The following ATP12A variants were observed in gnomAD, a reference collection of about 807,000 sequenced individuals.
The protein encoded by ATP12A is ATPase H+/K+ transporting non-gastric alpha2 subunit, also known as potassium-transporting ATPase alpha chain 2.
Under a neutral mutation model 111.2 loss-of-function variants are expected in ATP12A, and 81 were observed. The observed-to-expected ratio is 0.73, with a 90% CI of 0.61 to 0.88. ATP12A has a LOEUF of 0.88. ATP12A is among the 40% of genes least tolerant of loss of function. The pLI, the probability that ATP12A is intolerant of heterozygous loss-of-function variation, is 0.00. For missense variants in ATP12A, 1,196 were observed against 1,313.1 expected (o/e 0.91, Z 1.38); for synonymous variants, 498 against 499.8 (o/e 1.00, Z 0.05).
At chr13:24,709,254 A>AT in intron 17 of ATP12A, 110 bp from the exon 18 acceptor site, 1 of 1,078,100 alleles carries the variant, frequency 9.3e-7, no homozygotes, top group Non-Finnish European at 1.3e-6. Flanking sequence ...GGCCAGCTCC[A>AT]TGCCCCCCAC....
rs190842807 is a variant in ATP12A at position 24,690,615 on chromosome 13, A to G, written c.693A>G (p.Ser231=). 33 of 1,611,892 alleles carry G rather than the reference A, an allele frequency of 2.0e-5. No homozygotes were observed. In the African/African-American group the frequency reaches 3.7e-4, roughly 18 times the overall value. Residue 231 remains serine (S), a synonymous_variant, in exon 7 of 23, where the codon TCA becomes TCG. Transcript: ENST00000381946. ...LSSQGCRVDN[S]SLTGESEPQP... The stretch of plus-strand genomic sequence containing the variant: ...AACATTTCTTCTAGGTGGATAACTC[A>G]TCTCTCACGGGGGAGTCTGAGCCCC...
chr13:24,689,939 C>T (rs1938530233), intron 5 of ATP12A, among the ~76,000 whole-genome samples: 1 of 152,134 alleles, frequency 6.6e-6, no homozygotes, highest in African/African-American at 2.4e-5. Context: ...TCCCCAGCCC[C>T]ACCTTCAGTG....
intron 11 of ATP12A, among the ~76,000 whole-genome samples, chr13:24,697,986 T>C (rs958472287): frequency 6.6e-6 from 1 of 152,206 alleles, no homozygotes; most frequent in African/African-American, 2.4e-5. Context: ...GAAGAGTACC[T>C]GGCTTATCAG....
chr13:24,689,136 C>T (rs1874775057), intron 4 of ATP12A, 126 bp from the exon 5 acceptor site: 2 of 752,534 alleles, frequency 2.7e-6, no homozygotes, highest in Admixed American at 4.8e-5. Flanking sequence ...GGGCGAATTC[C>T]ATGGCCTGTA....
chr13:24,681,915 T>G (rs1874453318), intron 2 of ATP12A, among the ~76,000 whole-genome samples, 195 bp downstream of exon 2: 1 of 142,646 alleles, frequency 7.0e-6, no homozygotes. Flanking sequence ...TGTGTGTGTA[T>G]GTGTGGTGTG....
chr13:24,691,276 G>A (rs1429006015), intron 8 of ATP12A, 26 bp downstream of exon 8: 2 of 1,591,432 alleles, frequency 1.3e-6, no homozygotes, highest in Non-Finnish European at 1.7e-6. Flanking sequence ...TAGACAGCCT[G>A]CACCTGGCCC....
At chr13:24,681,470 A>G in intron 1 of ATP12A, 92 bp from the exon 2 acceptor site, 2 of 1,433,676 alleles carry the variant, frequency 1.4e-6, no homozygotes, top group South Asian at 2.7e-5. Context: ...GGGGCTCCTG[A>G]CTCCTGCAGG....
intron 4 of ATP12A, 121 bp from the exon 5 acceptor site, chr13:24,689,140 GC>G: frequency 1.3e-6 from 1 of 761,090 alleles, no homozygotes; most frequent in Non-Finnish European, 2.2e-6. Context: ...GAATTCCATG[GC>G]CTGTAAATTA....
At chr13:24,708,838 A>AAGAGAGAAAGAGAG (rs1289332853) in intron 17 of ATP12A, among the ~76,000 whole-genome samples, 4 of 149,454 alleles carry the variant, frequency 2.7e-5, no homozygotes, top group African/African-American at 7.3e-5. Context: ...GAGAGAAAGA[A>AAGAGAGAAAGAGAG]AGAGAGAAAG....
Position 24,711,356 on chromosome 13 carries a change from T to C in ATP12A, c.3038T>C (p.Leu1013Pro), listed in dbSNP as rs113428775. The change falls in exon 22 of 23, where the codon CTG becomes CCG. Residue 1013 changes from leucine to proline, a missense_variant. Around this residue, in one of 3 missense-constraint regions of ATP12A, gnomAD observed 1,126 missense variants for 1,228.5 expected, o/e 0.92. Transcript: ENST00000381946. ...YWFVAVPHAI[L>P]IWVYDEVRKL... ...TTTGTGGCTGTGCCGCACGCCATCC[T>C]GATCTGGGTGTATGATGAGGTGCGG... 1 of 1,610,014 alleles carries C rather than the reference T, an allele frequency of 6.2e-7. No individual in the cohort carries two copies. Among genetic ancestry groups the C allele is most frequent in the African/African-American group, 1.3e-5 (1 of 74,904 alleles).
chr13:24,711,661 A>C lies in ATP12A; in HGVS notation c.*139A>C. 1 of 1,157,098 alleles carries C rather than the reference A, an allele frequency of 8.6e-7. No individual in the cohort carries two copies. Among genetic ancestry groups the C allele is most frequent in the Non-Finnish European group, 1.2e-6 (1 of 805,708 alleles). 71.7% of individuals were successfully genotyped at this position (1,157,098 alleles called of 1,614,324 possible). ...AGGAAATTTTCATGCAGAAAGCTGT[A>C]TGCAGGATGCTCACTGATGTTTTGC... On this transcript the variant is annotated 3_prime_UTR_variant, in exon 23 of 23. Transcript: ENST00000381946.
Position 24,710,459 on chromosome 13 carries a change from G to A in ATP12A, c.2764-1G>A, listed in dbSNP as rs1362515611. ...TCTCTTCCTTCTCTGCCCATTAACA[G>A]ACAAGGTACCAGAGGGAATACCTAG... is the stretch of plus-strand genomic sequence containing the variant. On this transcript the variant is annotated splice_acceptor_variant, in intron 19 of 22. Coordinates refer to ENST00000381946, the MANE Select transcript of ATP12A (RefSeq NM_001676.7). LOFTEE classifies it high-confidence loss of function. 3 of 1,613,910 alleles carry A rather than the reference G, an allele frequency of 1.9e-6. No homozygotes were observed.
chr13:24,692,917 G>A (rs1874976191), intron 10 of ATP12A, 21 bp downstream of exon 10: 3 of 1,604,414 alleles, frequency 1.9e-6, no homozygotes, highest in Middle Eastern at 1.7e-4. Context: ...TGCAGCACTT[G>A]GTCTTAAATC....
rs184726915 is a variant in ATP12A, at chr13:24,692,261, G to A, written c.1069-168G>A. On this transcript the variant is annotated intron_variant, in intron 8 of 22. Coordinates refer to ENST00000381946, the MANE Select transcript of ATP12A (RefSeq NM_001676.7). ...TGTGGCATAGAGGGCTCTTGGCGGCGTATAAGCCACCAGGTCAGCTTAGCT... is the reference window on the plus strand; with the variant it reads ...TGTGGCATAGAGGGCTCTTGGCGGCATATAAGCCACCAGGTCAGCTTAGCT... 3.7e-4 allele frequency among the ~76,000 whole-genome samples: 56 copies of A among 150,956 alleles called. 1 individual carries two copies. The East Asian group carries it at 9.5e-3, about 26-fold the overall frequency.
intron 1 of ATP12A, 144 bp from the exon 2 acceptor site, chr13:24,681,418 G>A (rs373751065): frequency 1.0e-5 from 10 of 993,602 alleles, no homozygotes; most frequent in Non-Finnish European, 5.8e-6. Context: ...TCCACTGTCC[G>A]ACTCCCTCCG....
Position 24,710,896 on chromosome 13 carries a change from G to A in ATP12A, c.2999+3G>A, listed in dbSNP as rs747903020. The stretch of plus-strand genomic sequence containing the variant: ...GCCTTGAGTTTCACCATGCTTAGGT[G>A]AGTTCACCCTCAACAGCATGGAGGA... On this transcript the variant is annotated splice_donor_region_variant and intron_variant, in intron 21 of 22. Coordinates refer to ENST00000381946, the MANE Select transcript of ATP12A (RefSeq NM_001676.7). The A allele has an allele frequency of 5.6e-6, 9 of 1,612,970 alleles. No homozygotes were observed. The Middle Eastern group carries it at 6.6e-4, about 118-fold the overall frequency.
At chr13:24,708,974 A>G (rs1460461597) in intron 17 of ATP12A, among the ~76,000 whole-genome samples, 2 of 149,848 alleles carry the variant, frequency 1.3e-5, no homozygotes, top group African/African-American at 4.9e-5. Context: ...GGAAAGAGAA[A>G]GAGAAATGAA....
At chr13:24,703,143 C>G (rs979353281) in intron 14 of ATP12A, among the ~76,000 whole-genome samples, 11 of 152,196 alleles carry the variant, frequency 7.2e-5, no homozygotes, top group African/African-American at 2.4e-4. Context: ...CATAACATCC[C>G]TCTATGAAAA....
chr13:24,686,652 T>A (rs11620065), intron 3 of ATP12A, among the ~76,000 whole-genome samples: 14,519 of 151,618 alleles, frequency 0.096, 786 homozygotes, highest in Non-Finnish European at 0.13. Flanking sequence ...GGCAGGAGAA[T>A]GGCGTGAACC....
Sources: allele counts gnomAD v4.1 joint callset (sites outside exome capture counted in the v4.1 genomes callset), GRCh38; gene constraint gnomAD v4.1.1; regional missense constraint gnomAD v4.1.1; transcripts MANE v1.5; gene names NCBI Gene and HGNC (gene_info 2026-07-23, HGNC 2026-07-21).